KDM4B: variants seen among roughly 807,000 people sequenced by gnomAD.
KDM4B encodes lysine demethylase 4B.
In KDM4B, 32 loss-of-function variants were observed where a neutral mutation model predicts 125.2. The ratio of observed to expected loss-of-function variants is 0.26; its 90% CI spans 0.19 to 0.34. KDM4B has a LOEUF of 0.34. KDM4B is among the 10% of genes least tolerant of loss of function. KDM4B has a pLI of 1.00. For missense variants in KDM4B, 1,190 were observed against 1,577.7 expected, an observed-to-expected ratio of 0.75 and a Z score of 4.16; for synonymous variants, 721 against 677.9, an observed-to-expected ratio of 1.06 and a Z score of -0.99.
Position 5,012,387 on chromosome 19 carries a change from C to T in KDM4B, c.-108-3870C>T, listed in dbSNP as rs1285209469. Among the ~76,000 whole-genome samples, 12 of 152,156 alleles carry T rather than the reference C, an allele frequency of 7.9e-5. No individual in the cohort carries two copies. In the East Asian group the frequency reaches 1.2e-3, roughly 15 times the overall value. On this transcript the variant is annotated intron_variant, in intron 1 of 22. Transcript: ENST00000159111. ...TTAACACGTTGTTAATGACACTTCC[C>T]GCTTCATTCGGATTGCCTCTGCTTT... is the stretch of plus-strand genomic sequence containing the variant.
At chr19:4,990,072 T>A (rs995215704) in intron 1 of KDM4B, among the ~76,000 whole-genome samples, 16 of 152,204 alleles carry the variant, frequency 1.1e-4, no homozygotes, top group African/African-American at 3.4e-4. Flanking sequence ...GGAGGATCAC[T>A]TGAGGCCAGG....
intron 1 of KDM4B, among the ~76,000 whole-genome samples, chr19:4,972,340 T>G (rs1490376071): frequency 6.6e-6 from 1 of 152,074 alleles, no homozygotes; most frequent in African/African-American, 2.4e-5. Context: ...TGGGAACACC[T>G]CCCTCCCAGG....
At chr19:5,012,970 C>T (rs188394562) in intron 1 of KDM4B, among the ~76,000 whole-genome samples, 3 of 152,360 alleles carry the variant, frequency 2.0e-5, no homozygotes, top group East Asian at 3.9e-4. Flanking sequence ...CAGGCTAGCC[C>T]GGCCTCTCAT....
rs533273520 is a variant in KDM4B, at chr19:4,971,396, T to C, written c.-109+2166T>C. Among the ~76,000 whole-genome samples the C allele has an allele frequency of 1.3e-4, 20 of 152,108 alleles. No individual in the cohort carries two copies. The South Asian group carries it at 4.1e-3, about 32-fold the overall frequency. On this transcript the variant is annotated intron_variant, in intron 1 of 22. Transcript: ENST00000159111. This position sits in a 1 kb window ranked among gnomAD's most constrained non-coding sequence, Gnocchi z 4.1. The stretch of plus-strand genomic sequence containing the variant: ...CTCTCCCACCTGACCACTCTGCCTG[T>C]ACTTTAATTCCTAATTTCTCTGTCT...
chr19:5,124,455 C>T (rs1348392859), intron 11 of KDM4B, among the ~76,000 whole-genome samples: 1 of 152,132 alleles, frequency 6.6e-6, no homozygotes, highest in African/African-American at 2.4e-5. Flanking sequence ...GGAGGGGTCA[C>T]AAGGATCCCC....
At chr19:5,055,075 G>A (rs1278591027) in intron 6 of KDM4B, among the ~76,000 whole-genome samples, 1 of 152,282 alleles carries the variant, frequency 6.6e-6, no homozygotes, top group South Asian at 2.1e-4. Context: ...CAGAATCACA[G>A]CTTCTCCGGC....
chr19:5,064,406 G>A (rs2037702402), intron 6 of KDM4B, among the ~76,000 whole-genome samples: 1 of 150,242 alleles, frequency 6.7e-6, no homozygotes, highest in South Asian at 2.1e-4. Context: ...GGGCTGTGCC[G>A]ACATCTCTGA....
intron 10 of KDM4B, chr19:5,112,122 G>A (rs948768191): frequency 5.6e-6 from 2 of 355,756 alleles, no homozygotes; most frequent in East Asian, 5.9e-5. Context: ...GTGTGGTGGT[G>A]TGCGCCTGTG....
At chr19:5,094,544 T>TG (rs2038779666) in intron 9 of KDM4B, among the ~76,000 whole-genome samples, 1 of 144,232 alleles carries the variant, frequency 6.9e-6, no homozygotes, top group Non-Finnish European at 1.5e-5. Context: ...TAGACGGGCA[T>TG]GGGGTCTGTG....
At chr19:5,016,451 T>G (rs1219815296) in intron 2 of KDM4B, 112 bp downstream of exon 2, 3 of 152,248 alleles carry the variant, frequency 2.0e-5, no homozygotes, top group African/African-American at 7.2e-5. Context: ...TGACCGGCTC[T>G]GAATTCCCGG....
chr19:5,024,122 T>C (rs1297376164), intron 2 of KDM4B, among the ~76,000 whole-genome samples: 1 of 152,140 alleles, frequency 6.6e-6, no homozygotes, highest in Non-Finnish European at 1.5e-5. Flanking sequence ...CCTGGCTGTT[T>C]CTTGGGTGTC....
intron 5 of KDM4B, among the ~76,000 whole-genome samples, chr19:5,046,102 G>T (rs2037016396): frequency 1.3e-5 from 2 of 152,226 alleles, no homozygotes; most frequent in African/African-American, 4.8e-5. Flanking sequence ...GAGAGCCTCT[G>T]GGTTGGCTGG....
Position 5,131,322 on chromosome 19 carries a change from A to G in KDM4B, c.1562A>G (p.Lys521Arg). The stretch of plus-strand genomic sequence containing the variant: ...GTGCCCAGTGAGGAGCTAGAGGCCA[A>G]GCCTCGGCCCATCATCCCCATGCTG... ...PEVPSEELEAKPRPIIPMLYV... is the reference protein window; with the variant it reads ...PEVPSEELEARPRPIIPMLYV... The change falls in exon 12 of 23, where the codon AAG becomes AGG. Residue 521 changes from lysine (K) to arginine (R), a missense_variant. By Grantham distance (26) the Lys-to-Arg change is conservative (BLOSUM62 2). Coordinates refer to ENST00000159111, the MANE Select transcript of KDM4B (RefSeq NM_015015.3). 6.2e-7 allele frequency: 1 copy of G among 1,612,190 alleles called. No homozygotes were observed. The highest frequency in any genetic ancestry group is 8.5e-7 in the Non-Finnish European group (1 of 1,179,834).
intron 10 of KDM4B, among the ~76,000 whole-genome samples, chr19:5,118,870 C>A (rs551673619): frequency 6.6e-6 from 1 of 152,150 alleles, no homozygotes; most frequent in African/African-American, 2.4e-5. Context: ...ATGCAGGATG[C>A]GCCTCCTCTT....
At chr19:5,024,488 A>G (rs1238667466) in intron 2 of KDM4B, among the ~76,000 whole-genome samples, 1 of 151,984 alleles carries the variant, frequency 6.6e-6, no homozygotes, top group Non-Finnish European at 1.5e-5. Context: ...AGCGTCCCTC[A>G]CTTGTTCCTC....
At chr19:5,139,891 C>T (rs988035205) in intron 18 of KDM4B, among the ~76,000 whole-genome samples, 2 of 152,260 alleles carry the variant, frequency 1.3e-5, no homozygotes, top group African/African-American at 4.8e-5. Flanking sequence ...GCTTGTGAAG[C>T]TTCCTCCTGC....
In KDM4B at chr19:5,131,265, T is replaced by C; in HGVS notation, c.1505T>C (p.Leu502Pro). ...PGPAAMEESP[L>P]PAPLNVVPPE... ...CCTGCAGCCATGGAGGAGAGCCCCC[T>C]GCCGGCACCCCTTAATGTCGTGCCC... is the stretch of plus-strand genomic sequence containing the variant. The change falls in exon 12 of 23, where the codon CTG becomes CCG. Residue 502 changes from leucine to proline, a missense_variant. This residue lies in a region of KDM4B where 428 missense variants were observed against 405.1 expected (regional missense o/e 1.06). Transcript: ENST00000159111. 1.2e-6 allele frequency: 2 copies of C among 1,610,258 alleles called. No homozygotes were observed. The highest frequency in any genetic ancestry group is 1.7e-6 in the Non-Finnish European group (2 of 1,178,576).
chr19:5,106,938 G>A (rs928241778), intron 9 of KDM4B, among the ~76,000 whole-genome samples: 4 of 152,202 alleles, frequency 2.6e-5, no homozygotes, highest in Non-Finnish European at 5.9e-5. Flanking sequence ...CTGACCCCAA[G>A]GCAGGGCAAT....
chr19:5,125,826 C>CCTT (rs34300901), intron 11 of KDM4B, among the ~76,000 whole-genome samples: 87,508 of 149,306 alleles, frequency 0.59, 25,583 homozygotes, highest in East Asian at 0.67. Flanking sequence ...GACAGAGACT[C>CCTT]CTGGGAAGGA....
Sources: gnomAD v4.1 joint callset for allele counts (sites outside exome capture counted in the v4.1 genomes callset) on GRCh38, gnomAD v4.1.1 for gene constraint, gnomAD v4.1.1 regional missense constraint, Gnocchi (gnomAD v3.1) non-coding constraint, MANE v1.5 for transcripts, NCBI Gene and HGNC (gene_info 2026-07-23, HGNC 2026-07-21) for gene names.